GALNT12: variants seen among roughly 807,000 people sequenced by gnomAD.
The protein encoded by GALNT12 is polypeptide N-acetylgalactosaminyltransferase 12.
GALNT12 carries 45 observed loss-of-function variants against 55.5 expected under a neutral mutation model. The observed-to-expected ratio is 0.81, with a 90% CI of 0.64 to 1.04. The LOEUF (loss-of-function observed/expected upper bound fraction) is 1.04, where lower values mean the gene tolerates loss of function less well. Ranked by LOEUF, GALNT12 falls within the 50% of genes least tolerant of loss-of-function variation. The pLI is 0.00. For missense variants in GALNT12, 709 were observed against 754.8 expected (o/e 0.94, Z 0.71); for synonymous variants, 304 against 312.2 (o/e 0.97, Z 0.28).
intron 1 of GALNT12, among the ~76,000 whole-genome samples, chr9:98,810,107 G>A (rs992837083): frequency 1.3e-5 from 2 of 152,222 alleles, no homozygotes; most frequent in Non-Finnish European, 2.9e-5. Context: ...AGGGTATTTT[G>A]TGGCATCTCA....
chr9:98,849,185 A>G lies in GALNT12; in HGVS notation c.*93A>G. On this transcript the variant is annotated 3_prime_UTR_variant, in exon 10 of 10. Coordinates refer to ENST00000375011, the MANE Select transcript of GALNT12 (RefSeq NM_024642.5). The stretch of plus-strand genomic sequence containing the variant: ...GCTAAGCAGTGACCAGAACCCACCA[A>G]AAACTAGGCTGCATTGCTTTGAAGA... 7.6e-7 allele frequency: 1 copy of G among 1,322,680 alleles called. No individual in the cohort carries two copies. The highest frequency in any genetic ancestry group is 1.1e-6 in the Non-Finnish European group (1 of 920,720). The allele number at this position is 1,322,680 out of a possible 1,614,324, so 81.9% of individuals were successfully genotyped here.
intron 1 of GALNT12, among the ~76,000 whole-genome samples, chr9:98,822,349 G>T (rs376268124): frequency 6.6e-6 from 1 of 152,172 alleles, no homozygotes; most frequent in South Asian, 2.1e-4. Flanking sequence ...AGTCAGTCCC[G>T]TGACACTGGG....
chr9:98,810,073 A>G (rs1000532816), intron 1 of GALNT12, among the ~76,000 whole-genome samples: 1 of 152,172 alleles, frequency 6.6e-6, no homozygotes, highest in African/African-American at 2.4e-5. Context: ...TTTGAGATGT[A>G]ACTTCAGAGT....
intron 9 of GALNT12, among the ~76,000 whole-genome samples, chr9:98,848,398 A>G (rs1246306394): frequency 6.6e-6 from 1 of 152,204 alleles, no homozygotes; most frequent in Non-Finnish European, 1.5e-5. Flanking sequence ...AAAGGAGAGA[A>G]GCAGGAGGTC....
In GALNT12 at chr9:98,837,062, G is replaced by T. The variant is rs765486750; in HGVS notation, c.1126G>T (p.Ala376Ser). Residue 376 changes from alanine (A) to serine (S), a missense_variant, in exon 6 of 10, where the codon GCT becomes TCT. Transcript: ENST00000375011. ...GCAAGCTCCCTACTCCCGCAACAAG[G>T]CTCTGGCCAACAGTGTTCGTGCAGC... ...PKQAPYSRNK[A>S]LANSVRAAEV... 1.2e-6 allele frequency: 2 copies of T among 1,614,168 alleles called. No homozygotes were observed. Among genetic ancestry groups the T allele is most frequent in the Non-Finnish European group, 1.7e-6 (2 of 1,180,038 alleles).
At chr9:98,819,501 T>C (rs1835690186) in intron 1 of GALNT12, among the ~76,000 whole-genome samples, 1 of 152,122 alleles carries the variant, frequency 6.6e-6, no homozygotes, top group African/African-American at 2.4e-5. Context: ...AGGATGAGTA[T>C]ATAAAGCTGA....
chr9:98,846,698 TA>T (rs11389146), intron 9 of GALNT12, among the ~76,000 whole-genome samples: 2 of 148,562 alleles, frequency 1.3e-5, no homozygotes, highest in Non-Finnish European at 1.5e-5. Flanking sequence ...CATCTCTACT[TA>T]AAAAAAAAAA....
At chr9:98,823,171 C>A in intron 1 of GALNT12, 85 bp from the exon 2 acceptor site, 3 of 1,248,092 alleles carry the variant, frequency 2.4e-6, no homozygotes, top group Non-Finnish European at 3.5e-6. Context: ...CGCAGGGGAC[C>A]ATGACCTATG....
chr9:98,830,493 C>T (rs1835967098), intron 3 of GALNT12, among the ~76,000 whole-genome samples: 1 of 152,210 alleles, frequency 6.6e-6, no homozygotes, highest in Non-Finnish European at 1.5e-5. Flanking sequence ...TCCTATACTC[C>T]AATGCTGGTA....
At chr9:98,833,064 G>A (rs759228802) in intron 4 of GALNT12, among the ~76,000 whole-genome samples, 14 of 152,152 alleles carry the variant, frequency 9.2e-5, no homozygotes, top group Admixed American at 5.9e-4. Flanking sequence ...TCCATGGCAG[G>A]TGGAGGAGTC....
At position 98,844,217 on chromosome 9, in the gene GALNT12, T is replaced by G; in HGVS notation, c.1458+8T>G. Reference sequence around the variant, plus strand: ...GGGATGGGCCAGAATCAGGTAGGTATGAGCCTCAAAAGAGGAGAAAGCTGT... The same window carrying G: ...GGGATGGGCCAGAATCAGGTAGGTAGGAGCCTCAAAAGAGGAGAAAGCTGT... On this transcript the variant is annotated splice_region_variant and intron_variant, in intron 8 of 9. Transcript: ENST00000375011. 1 of 1,527,528 alleles carries G rather than the reference T, an allele frequency of 6.5e-7. No homozygotes were observed. The highest frequency in any genetic ancestry group is 1.1e-5 in the South Asian group (1 of 89,310). 94.6% of individuals were successfully genotyped at this position (1,527,528 alleles called of 1,614,324 possible). A position where few individuals can be genotyped will look rare whatever the true frequency, so the allele number is the denominator to read the frequency against.
In GALNT12 at chr9:98,837,026, G is replaced by T; in HGVS notation, c.1090G>T (p.Val364Phe). ...ACACCCATGTTCCCATGTTGGCCAT[G>T]TTTTCCCCAAGCAAGCTCCCTACTC... ...ETHPCSHVGH[V>F]FPKQAPYSRN... Residue 364 changes from valine to phenylalanine, a missense_variant, in exon 6 of 10, where the codon GTT becomes TTT. By Grantham distance (50) the Val-to-Phe change is conservative (BLOSUM62 -1). Around this residue, in one of 5 missense-constraint regions of GALNT12, gnomAD observed 262 missense variants for 310.7 expected, o/e 0.84. Transcript: ENST00000375011. 1 of 1,614,218 alleles carries T rather than the reference G, an allele frequency of 6.2e-7. No homozygotes were observed. Among genetic ancestry groups the T allele is most frequent in the Middle Eastern group, 1.6e-4 (1 of 6,062 alleles).
chr9:98,845,690 A>G (rs1465469702), intron 8 of GALNT12, among the ~76,000 whole-genome samples: 3 of 152,096 alleles, frequency 2.0e-5, no homozygotes, highest in Non-Finnish European at 4.4e-5. Flanking sequence ...CCAACACAGC[A>G]TTCAGCACTG....
At chr9:98,843,987 C>T (rs1836355470) in intron 7 of GALNT12, 109 bp from the exon 8 acceptor site, 1 of 760,584 alleles carries the variant, frequency 1.3e-6, no homozygotes, top group South Asian at 1.5e-5. Context: ...TTGCGTCTAG[C>T]TCTTGAAGCA....
intron 4 of GALNT12, 41 bp downstream of exon 4, chr9:98,831,998 C>T (rs767266934): frequency 1.3e-6 from 2 of 1,559,244 alleles, no homozygotes; most frequent in Non-Finnish European, 8.8e-7. Flanking sequence ...TTTAAGCATG[C>T]CTCATTGAAT....
At chr9:98,829,153 T>TATC (rs761426681) in intron 3 of GALNT12, among the ~76,000 whole-genome samples, 4 of 141,864 alleles carry the variant, frequency 2.8e-5, no homozygotes, top group Admixed American at 7.2e-5. Flanking sequence ...GTAATTTTTT[T>TATC]TATCTATCTA....
At chr9:98,847,413 ATCT>A (rs1462532760) in intron 9 of GALNT12, 2 of 152,204 alleles carry the variant, frequency 1.3e-5, no homozygotes, top group African/African-American at 2.4e-5. Flanking sequence ...GACGTCTCTG[ATCT>A]TCTTGAATGT....
intron 1 of GALNT12, among the ~76,000 whole-genome samples, chr9:98,816,274 G>A (rs568130180): frequency 6.6e-6 from 1 of 151,364 alleles, no homozygotes; most frequent in Non-Finnish European, 1.5e-5. Flanking sequence ...AATATTAATT[G>A]AAAAATTGGC....
Position 98,823,467 on chromosome 9 carries a change from T to C in GALNT12, c.541+42T>C, listed in dbSNP as rs201564068. The stretch of plus-strand genomic sequence containing the variant: ...GCTCTGGGAAGAGCCTGTCCTTCTG[T>C]AGCAGTGTCTGGGAGGTGAGAGTGG... On this transcript the variant is annotated intron_variant, in intron 2 of 9. Transcript: ENST00000375011. 18 of 1,576,592 alleles carry C rather than the reference T, an allele frequency of 1.1e-5. No homozygotes were observed. The African/African-American group carries it at 1.2e-4, about 11-fold the overall frequency.
Sources: gnomAD v4.1 joint callset for allele counts (sites outside exome capture counted in the v4.1 genomes callset) on GRCh38, gnomAD v4.1.1 for gene constraint, gnomAD v4.1.1 regional missense constraint, MANE v1.5 for transcripts, NCBI Gene and HGNC (gene_info 2026-07-23, HGNC 2026-07-21) for gene names.